AMBRA1: variants seen among roughly 807,000 people sequenced by gnomAD.
The protein encoded by AMBRA1 is autophagy and beclin 1 regulator 1.
AMBRA1 carries 47 observed loss-of-function variants against 125.4 expected under a neutral mutation model. The observed-to-expected ratio is 0.37, with a 90% CI of 0.30 to 0.48. The LOEUF is 0.48. AMBRA1 is among the 20% of genes least tolerant of loss of function. The pLI is 0.99. For synonymous variants in AMBRA1, 626 were observed against 655.5 expected (o/e 0.95, Z 0.69); for missense variants, 1,331 against 1,693.4 (o/e 0.79, Z 3.76).
intron 17 of AMBRA1, among the ~76,000 whole-genome samples, chr11:46,400,642 C>T (rs1169776884): frequency 2.0e-5 from 3 of 151,662 alleles, no homozygotes; most frequent in Admixed American, 2.0e-4. Flanking sequence ...AGGCAAGCAC[C>T]ACTCCTGGCT....
chr11:46,446,848 A>C (rs1470987052), intron 11 of AMBRA1, among the ~76,000 whole-genome samples: 1 of 152,250 alleles, frequency 6.6e-6, no homozygotes, highest in Non-Finnish European at 1.5e-5. Flanking sequence ...ATGCTGTTAT[A>C]GTCATGGAAA....
chr11:46,581,419 T>C (rs567629097), intron 1 of AMBRA1, among the ~76,000 whole-genome samples: 98 of 151,974 alleles, frequency 6.4e-4, no homozygotes, highest in African/African-American at 2.3e-3. Context: ...CCATCCTGGC[T>C]AACACATGAA....
At chr11:46,412,376 C>G (rs954251101) in intron 15 of AMBRA1, among the ~76,000 whole-genome samples, 5 of 152,190 alleles carry the variant, frequency 3.3e-5, no homozygotes, top group Non-Finnish European at 5.9e-5. Flanking sequence ...CCTGACTTCC[C>G]TGGGCTCAGG....
intron 11 of AMBRA1, among the ~76,000 whole-genome samples, chr11:46,448,324 A>T (rs898444784): frequency 2.0e-5 from 3 of 152,208 alleles, no homozygotes; most frequent in African/African-American, 7.2e-5. Context: ...ATCCTATAAA[A>T]CTGACAGATT....
At chr11:46,511,503 T>C (rs1158697298) in intron 8 of AMBRA1, among the ~76,000 whole-genome samples, 2 of 152,238 alleles carry the variant, frequency 1.3e-5, no homozygotes, top group Non-Finnish European at 2.9e-5. Flanking sequence ...TGGAATCAAC[T>C]TGGTCTAAAG....
At chr11:46,440,080 C>T (rs927802692) in intron 12 of AMBRA1, among the ~76,000 whole-genome samples, 11 of 152,266 alleles carry the variant, frequency 7.2e-5, no homozygotes, top group Admixed American at 4.6e-4. Context: ...CTCTTCCCCC[C>T]TGCAATTCCA....
At chr11:46,557,991 C>T (rs2043208883) in intron 1 of AMBRA1, among the ~76,000 whole-genome samples, 1 of 151,944 alleles carries the variant, frequency 6.6e-6, no homozygotes, top group African/African-American at 2.4e-5. Flanking sequence ...GATAAGATAC[C>T]ATGTGGAGAG....
At chr11:46,428,122 TAA>T (rs1322016997) in intron 14 of AMBRA1, among the ~76,000 whole-genome samples, 2 of 148,586 alleles carry the variant, frequency 1.3e-5, no homozygotes, top group East Asian at 4.0e-4. Flanking sequence ...AGAAGGGGTA[TAA>T]AGGGATAGAC....
intron 1 of AMBRA1, among the ~76,000 whole-genome samples, chr11:46,576,534 G>T (rs1006419825): frequency 2.0e-5 from 3 of 152,164 alleles, no homozygotes; most frequent in African/African-American, 7.2e-5. Context: ...GCTCACACCT[G>T]AATGATCCCA....
At chr11:46,590,971 G>C (rs921365648) in intron 1 of AMBRA1, among the ~76,000 whole-genome samples, 1 of 150,986 alleles carries the variant, frequency 6.6e-6, no homozygotes, top group Non-Finnish European at 1.5e-5. Flanking sequence ...CTATCACAAA[G>C]CATGAGATAA....
chr11:46,513,813 A>G (rs1196084482), intron 7 of AMBRA1, among the ~76,000 whole-genome samples: 2 of 151,570 alleles, frequency 1.3e-5, no homozygotes, highest in Admixed American at 6.6e-5. Context: ...GGCTTTTCCT[A>G]TTTTTTAAGG....
intron 7 of AMBRA1, among the ~76,000 whole-genome samples, chr11:46,522,066 C>T (rs771784011): frequency 2.6e-5 from 4 of 152,150 alleles, no homozygotes; most frequent in South Asian, 4.1e-4. Flanking sequence ...ACAACATAAT[C>T]GCAGACAGCA....
chr11:46,490,346 G>T (rs1590939753), intron 11 of AMBRA1, among the ~76,000 whole-genome samples: 1 of 152,234 alleles, frequency 6.6e-6, no homozygotes, highest in East Asian at 1.9e-4. Flanking sequence ...GCAGGTGAAG[G>T]CACCAAGATA....
At chr11:46,409,745 AG>A (rs1358408402) in intron 16 of AMBRA1, among the ~76,000 whole-genome samples, 1 of 152,254 alleles carries the variant, frequency 6.6e-6, no homozygotes, top group Non-Finnish European at 1.5e-5. Flanking sequence ...CTATTCCTCC[AG>A]CTATGCTCAG....
At chr11:46,450,789 A>C (rs1371576960) in intron 11 of AMBRA1, among the ~76,000 whole-genome samples, 1 of 152,200 alleles carries the variant, frequency 6.6e-6, no homozygotes, top group East Asian at 1.9e-4. Flanking sequence ...TGTTACTACA[A>C]TGTTGGATAC....
intron 11 of AMBRA1, chr11:46,451,785 T>C (rs1335843851): frequency 6.6e-6 from 1 of 151,434 alleles, no homozygotes; most frequent in Non-Finnish European, 1.5e-5. Context: ...AATTACTATC[T>C]TTCTGCTTGG....
At chr11:46,557,400 T>G (rs1014718945) in intron 1 of AMBRA1, among the ~76,000 whole-genome samples, 2 of 151,864 alleles carry the variant, frequency 1.3e-5, no homozygotes, top group Non-Finnish European at 2.9e-5. Context: ...CTGTAAACAG[T>G]CAGACAAATT....
At position 46,542,709 on chromosome 11, in the gene AMBRA1, G is replaced by T. The variant is rs932914068; in HGVS notation, c.1308C>A (p.Pro436=). The change falls in exon 7 of 18, where the codon CCC becomes CCA. Residue 436 remains proline, a synonymous_variant. Transcript: ENST00000683756. This position sits in a 1 kb window ranked among gnomAD's most constrained non-coding sequence, Gnocchi z 5.9. ...LNSRSEAESM[P]PPRTSASSVS... is the part of the protein sequence containing the mutation. ...CCGAAGAGGCACTGGTTCTGGGCGG[G>T]GGCATGGATTCCGCCTCAGAGCGGG... 5 of 1,614,086 alleles carry T rather than the reference G, an allele frequency of 3.1e-6. No individual in the cohort carries two copies. Among genetic ancestry groups the T allele is most frequent in the Non-Finnish European group, 4.2e-6 (5 of 1,180,026 alleles).
chr11:46,495,411 G>T (rs1363704936), intron 9 of AMBRA1: 2 of 152,216 alleles, frequency 1.3e-5, no homozygotes, highest in Non-Finnish European at 2.9e-5. Flanking sequence ...TTATATCTTG[G>T]TAGAATTGGC....
Sources: allele counts gnomAD v4.1 joint callset (sites outside exome capture counted in the v4.1 genomes callset), GRCh38; gene constraint gnomAD v4.1.1; non-coding constraint Gnocchi (gnomAD v3.1); transcripts MANE v1.5; gene names NCBI Gene and HGNC (gene_info 2026-07-23, HGNC 2026-07-21).